Variants in LINGO2 observed in about 807,000 individuals in gnomAD.
The protein encoded by LINGO2 is leucine rich repeat and Ig domain containing 2, also known as leucine-rich repeat and immunoglobulin-like domain-containing nogo receptor-interacting protein 2.
In LINGO2, 14 loss-of-function variants were observed where a neutral mutation model predicts 30.6. The observed-to-expected ratio is 0.46, with a 90% CI of 0.30 to 0.72. The LOEUF is 0.72. Among genes scored for constraint, LINGO2 ranks in the 30% least tolerant of loss-of-function variants. The pLI is 0.07. For synonymous variants in LINGO2, 317 were observed against 288.5 expected, an observed-to-expected ratio of 1.10 and a Z score of -1.00; for missense variants, 729 against 751.7, an observed-to-expected ratio of 0.97 and a Z score of 0.35.
the LINGO2 span, among the ~76,000 whole-genome samples, chr9:28,873,629 TG>T: frequency 6.6e-6 from 1 of 152,106 alleles, no homozygotes; most frequent in Non-Finnish European, 1.5e-5. Flanking sequence ...GATACAACTT[TG>T]TAACTATAAA....
chr9:29,078,454 G>C, the LINGO2 span, among the ~76,000 whole-genome samples: 1 of 152,036 alleles, frequency 6.6e-6, no homozygotes, highest in East Asian at 1.9e-4. Context: ...ATGTCTGCCA[G>C]CACACAATTA....
At chr9:28,967,874 C>G in the LINGO2 span, among the ~76,000 whole-genome samples, 1 of 152,152 alleles carries the variant, frequency 6.6e-6, no homozygotes, top group African/African-American at 2.4e-5. Flanking sequence ...AAGATTTATG[C>G]AACTTCTTGA....
At chr9:29,117,516 T>G in the LINGO2 span, among the ~76,000 whole-genome samples, 2 of 152,174 alleles carry the variant, frequency 1.3e-5, no homozygotes, top group African/African-American at 4.8e-5. Context: ...ATCACAGAGT[T>G]ATCCCACCTA....
chr9:28,828,106 A>C, the LINGO2 span, among the ~76,000 whole-genome samples: 1 of 151,800 alleles, frequency 6.6e-6, no homozygotes, highest in Non-Finnish European at 1.5e-5. Flanking sequence ...GAATATATTA[A>C]ATATATATAC....
At chr9:28,761,794 T>A in the LINGO2 span, among the ~76,000 whole-genome samples, 1 of 152,002 alleles carries the variant, frequency 6.6e-6, no homozygotes, top group African/African-American at 2.4e-5. Context: ...AATTACTAGG[T>A]AAAGTTAGGA....
At chr9:29,184,700 C>A in the LINGO2 span, among the ~76,000 whole-genome samples, 1 of 150,990 alleles carries the variant, frequency 6.6e-6, no homozygotes, top group Non-Finnish European at 1.5e-5. Context: ...CCCTTCCTTC[C>A]TTCTCTCCTC....
At chr9:28,764,133 A>T in the LINGO2 span, among the ~76,000 whole-genome samples, 103 of 124,978 alleles carry the variant, frequency 8.2e-4, 1 homozygote, top group South Asian at 0.01. Context: ...AACTCTTTTT[A>T]AAAAAAAAAA....
At chr9:28,922,076 T>G in the LINGO2 span, among the ~76,000 whole-genome samples, 14 of 152,274 alleles carry the variant, frequency 9.2e-5, no homozygotes, top group South Asian at 2.9e-3. Context: ...TTGCACTGTA[T>G]CTTATGGTTT....
At chr9:29,017,170 T>C in the LINGO2 span, among the ~76,000 whole-genome samples, 2 of 34,046 alleles carry the variant, frequency 5.9e-5, no homozygotes, top group Non-Finnish European at 1.7e-4. Flanking sequence ...TTGTTTATCA[T>C]ACTATGTAAT....
chr9:28,471,197 A>C (rs950041563), intron 2 of LINGO2, among the ~76,000 whole-genome samples: 1 of 152,196 alleles, frequency 6.6e-6, no homozygotes, highest in Non-Finnish European at 1.5e-5. Flanking sequence ...AGCAATTTGT[A>C]AAGAAAATAA....
chr9:28,206,828 T>C (rs1055018278), intron 4 of LINGO2, among the ~76,000 whole-genome samples: 4 of 152,160 alleles, frequency 2.6e-5, no homozygotes, highest in Admixed American at 2.6e-4. Flanking sequence ...TACTAGGTTA[T>C]ACTGGTTCAA....
chr9:28,765,099 C>T, the LINGO2 span, among the ~76,000 whole-genome samples: 4 of 151,746 alleles, frequency 2.6e-5, no homozygotes, highest in Non-Finnish European at 1.5e-5. Flanking sequence ...CTATGCAATC[C>T]TTATCAAATT....
At chr9:28,653,547 A>G (rs1828202504) in intron 1 of LINGO2, among the ~76,000 whole-genome samples, 1 of 152,114 alleles carries the variant, frequency 6.6e-6, no homozygotes, top group Admixed American at 6.6e-5. Context: ...AACCAGTACC[A>G]TCCTGGTTCT....
intron 4 of LINGO2, among the ~76,000 whole-genome samples, chr9:28,217,076 G>A (rs1430778369): frequency 6.6e-6 from 1 of 150,858 alleles, no homozygotes; most frequent in Non-Finnish European, 1.5e-5. Flanking sequence ...CAGTGCTGAT[G>A]TCAATAAATT....
At chr9:29,116,122 T>C in the LINGO2 span, among the ~76,000 whole-genome samples, 2 of 142,026 alleles carry the variant, frequency 1.4e-5, no homozygotes, top group East Asian at 4.7e-4. Context: ...AAAAATATGA[T>C]TTAATCATTA....
At chr9:28,449,324 A>G (rs909254280) in intron 2 of LINGO2, among the ~76,000 whole-genome samples, 2 of 152,060 alleles carry the variant, frequency 1.3e-5, no homozygotes, top group African/African-American at 4.8e-5. Context: ...CTTCTTGCAT[A>G]TTCTGCCATA....
chr9:28,135,731 G>A (rs1391449964), intron 4 of LINGO2, among the ~76,000 whole-genome samples: 1 of 151,906 alleles, frequency 6.6e-6, no homozygotes, highest in African/African-American at 2.4e-5. Context: ...AGCTCAAACA[G>A]TCCCCAGAAC....
At position 27,966,864 on chromosome 9, in the gene LINGO2, A is replaced by T. The variant is rs116711389; in HGVS notation, c.-35-16158T>A. 5.1e-3 allele frequency among the ~76,000 whole-genome samples: 784 copies of T among 152,286 alleles called. 6 individuals carry two copies. The highest frequency in any genetic ancestry group is 0.018 in the African/African-American group (752 of 41,564). ...ATCTAGATAGAACGTGTGCCTACGG[A>T]GAACAACTACCCCTCCTTCATAAGG... is the stretch of plus-strand genomic sequence containing the variant. On this transcript the variant is annotated intron_variant, in intron 5 of 5. Transcript: ENST00000379992.
At chr9:27,978,135 A>C (rs538610020) in intron 5 of LINGO2, among the ~76,000 whole-genome samples, 73 of 152,140 alleles carry the variant, frequency 4.8e-4, no homozygotes, top group African/African-American at 1.7e-3. Context: ...TCCTGGGATG[A>C]AATGTAAGAA....
Sources: gnomAD v4.1 joint callset for allele counts (sites outside exome capture counted in the v4.1 genomes callset) on GRCh38, gnomAD v4.1.1 for gene constraint, MANE v1.5 for transcripts, NCBI Gene and HGNC (gene_info 2026-07-23, HGNC 2026-07-21) for gene names.